SMG1: variants seen among roughly 807,000 people sequenced by gnomAD.
The protein encoded by SMG1 is SMG1 nonsense mediated mRNA decay associated PI3K related kinase, also known as serine/threonine-protein kinase SMG1.
In SMG1, 22 loss-of-function variants were observed where a neutral mutation model predicts 419.9. The observed-to-expected ratio is 0.05, with a 90% confidence interval of 0.04 to 0.07. The LOEUF is 0.07. Ranked by LOEUF, SMG1 falls within the 10% of genes least tolerant of loss-of-function variation. SMG1 has a pLI of 1.00. For missense variants in SMG1, 3,185 were observed against 4,342.0 expected (o/e 0.73, Z 7.49); for synonymous variants, 1,538 against 1,553.5 (o/e 0.99, Z 0.23).
chr16:18,827,620 A>T (rs1188835546), intron 55 of SMG1, among the ~76,000 whole-genome samples: 1 of 144,360 alleles, frequency 6.9e-6, no homozygotes, highest in African/African-American at 2.5e-5. Flanking sequence ...ATACCAAAAT[A>T]TATATTTTTA....
chr16:18,893,491 G>A (rs1027935625), intron 3 of SMG1, among the ~76,000 whole-genome samples: 7 of 152,178 alleles, frequency 4.6e-5, no homozygotes, highest in Admixed American at 3.9e-4. Context: ...TGGGCATAGT[G>A]GCACATGCCT....
At chr16:18,835,218 A>C in intron 48 of SMG1, 54 bp from the exon 49 acceptor site, 9 of 1,516,174 alleles carry the variant, frequency 5.9e-6, no homozygotes, top group Non-Finnish European at 8.0e-6. Context: ...CCCAACATAC[A>C]AAAGAATATT....
At chr16:18,851,379 T>C (rs1036093431) in intron 33 of SMG1, among the ~76,000 whole-genome samples, 2 of 151,848 alleles carry the variant, frequency 1.3e-5, no homozygotes, top group Admixed American at 1.3e-4. Flanking sequence ...TAGCATCACC[T>C]AGTAAGTTTA....
At chr16:18,838,295 T>C (rs190732110) in intron 44 of SMG1, 62 bp downstream of exon 44, 13 of 1,607,496 alleles carry the variant, frequency 8.1e-6, no homozygotes, top group Non-Finnish European at 1.1e-5. Flanking sequence ...AGTGTGGTTT[T>C]CATTCCACAG....
Position 18,854,771 on chromosome 16 carries a change from G to A in SMG1, c.4368C>T (p.Thr1456=), listed in dbSNP as rs191482492. 6.2e-7 allele frequency: 1 copy of A among 1,613,962 alleles called. No homozygotes were observed. The change falls in exon 30 of 63, where the codon ACC becomes ACT. Residue 1456 remains threonine, a synonymous_variant. Coordinates refer to ENST00000446231, the MANE Select transcript of SMG1 (RefSeq NM_015092.5). ...GTTGGACTAAATCCTGTGCAGTGGT[G>A]GTCTTTCCCAGCTGAACTTCACTGC... The part of the protein sequence containing the change: ...AQCSEVQLGK[T]TTAQDLVQHF...
chr16:18,864,564 T>C (rs1235077058), intron 23 of SMG1, among the ~76,000 whole-genome samples: 2 of 152,022 alleles, frequency 1.3e-5, no homozygotes, highest in Non-Finnish European at 2.9e-5. Context: ...GGCATGATCA[T>C]GGCTCGCTAC....
Position 18,859,141 on chromosome 16 carries a change from T to C in SMG1, c.3994A>G (p.Ile1332Val), listed in dbSNP as rs949474935. ...AAAGTAGAAAGTCTCAGAGGTCCAA[T>C]AGCGATGCGGGATGTTTGCTTCAAG... is the stretch of plus-strand genomic sequence containing the variant. The part of the protein sequence containing the change: ...KYLKQTSRIA[I>V]GPLRLSTLTV... The change falls in exon 28 of 63, where the codon ATT becomes GTT. Residue 1332 changes from isoleucine to valine, a missense_variant. Transcript: ENST00000446231. The C allele has an allele frequency of 4.7e-5, 72 of 1,534,816 alleles. No individual in the cohort carries two copies. Among genetic ancestry groups the C allele is most frequent in the Middle Eastern group, 2.3e-4 (1 of 4,358 alleles).
rs1240722396 is a variant in SMG1 at position 18,805,448 on chromosome 16, A to G, written c.*4121T>C. The stretch of plus-strand genomic sequence containing the variant: ...GCCAAGTTCCCATGGAAGGCAAACG[A>G]CCCTAAGTAGTTCATATTTTACAGC... On this transcript the variant is annotated 3_prime_UTR_variant, in exon 63 of 63. Transcript: ENST00000446231. The G allele has an allele frequency of 6.6e-6, 1 of 152,158 alleles. No individual in the cohort carries two copies. The highest frequency in any genetic ancestry group is 1.9e-4 in the East Asian group (1 of 5,200). 9.4% of individuals were successfully genotyped at this position (152,158 alleles called of 1,614,324 possible). A position where few individuals can be genotyped will look rare whatever the true frequency, so the allele number is the denominator to read the frequency against.
chr16:18,858,747 G>A (rs2035052897), intron 28 of SMG1: 8 of 292,212 alleles, frequency 2.7e-5, no homozygotes, highest in Admixed American at 1.4e-4. Context: ...TACGTAATCC[G>A]CCTAAAGGAA....
Position 18,829,338 on chromosome 16 carries a change from G to C in SMG1, c.9551C>G (p.Ser3184Cys). The change falls in exon 54 of 63, where the codon TCT (serine) becomes TGT (cysteine). Residue 3184 changes from serine to cysteine, a missense_variant. Physicochemically the swap from Ser to Cys is moderately radical, Grantham distance 112. This residue lies in a region of SMG1 where 737 missense variants were observed against 846.6 expected (regional missense o/e 0.87). Transcript: ENST00000446231. ...CCGCTGCAGGCTTGTCTTACAAGAA[G>C]AAATACTGGTTTCTAGCCTTCGCAC... The part of the protein sequence containing the change: ...DLVRRLETSI[S>C]SCKTSLQRVQ... 1 of 1,613,980 alleles carries C rather than the reference G, an allele frequency of 6.2e-7. No individual in the cohort carries two copies. Among genetic ancestry groups the C allele is most frequent in the Non-Finnish European group, 8.5e-7 (1 of 1,179,872 alleles).
intron 5 of SMG1, 119 bp downstream of exon 5, chr16:18,890,744 T>A: frequency 1.6e-6 from 1 of 643,770 alleles, no homozygotes; most frequent in Non-Finnish European, 2.8e-6. Flanking sequence ...CAAGACCCAC[T>A]GAAATGTCAA....
At chr16:18,894,010 T>A (rs2037002925) in intron 3 of SMG1, among the ~76,000 whole-genome samples, 1 of 151,646 alleles carries the variant, frequency 6.6e-6, no homozygotes. Flanking sequence ...TGAGCTGAGA[T>A]TGCGCCACTG....
intron 53 of SMG1, 56 bp from the exon 54 acceptor site, chr16:18,829,811 T>A: frequency 6.7e-7 from 1 of 1,495,934 alleles, no homozygotes; most frequent in Non-Finnish European, 9.0e-7. Flanking sequence ...AATATGCTGC[T>A]TATTTATAGT....
chr16:18,925,152 CA>C (rs2038342733), intron 1 of SMG1: 1 of 152,096 alleles, frequency 6.6e-6, no homozygotes, highest in South Asian at 2.1e-4. Flanking sequence ...TCCCATTGAT[CA>C]AAAAGACAGG....
chr16:18,921,592 T>G (rs1055997737), intron 1 of SMG1, among the ~76,000 whole-genome samples: 27 of 152,218 alleles, frequency 1.8e-4, no homozygotes, highest in African/African-American at 5.3e-4. Flanking sequence ...TTGCGGTTTT[T>G]GCCAAAACCG....
Position 18,811,936 on chromosome 16 carries a change from C to G in SMG1, c.10801+12G>C, listed in dbSNP as rs759422595. 6 of 1,612,986 alleles carry G rather than the reference C, an allele frequency of 3.7e-6. No homozygotes were observed. Among genetic ancestry groups the G allele is most frequent in the Non-Finnish European group, 5.1e-6 (6 of 1,179,550 alleles). On this transcript the variant is annotated intron_variant, in intron 61 of 62. Coordinates refer to ENST00000446231, the MANE Select transcript of SMG1 (RefSeq NM_015092.5). ...TATAAAAATTTAAGGCATCTTTATT[C>G]TAACTAATTACCTTTCCCAGTTTTA... is the stretch of plus-strand genomic sequence containing the variant.
intron 33 of SMG1, among the ~76,000 whole-genome samples, chr16:18,851,471 T>A (rs1012024711): frequency 1.3e-5 from 2 of 152,260 alleles, no homozygotes; most frequent in Non-Finnish European, 2.9e-5. Flanking sequence ...CTGGCATATT[T>A]TAAAAGCTCA....
At chr16:18,874,769 G>A (rs190246652) in intron 13 of SMG1, among the ~76,000 whole-genome samples, 160 of 146,426 alleles carry the variant, frequency 1.1e-3, no homozygotes, top group Non-Finnish European at 2.2e-4. Context: ...GGGAGGCTGA[G>A]GCAGGAGAAT....
At chr16:18,829,152 T>C (rs1274777007) in intron 54 of SMG1, 134 bp downstream of exon 54, 10 of 663,706 alleles carry the variant, frequency 1.5e-5, no homozygotes, top group Non-Finnish European at 2.3e-5. Flanking sequence ...CAAAATGCTA[T>C]GGTGTGTTTG....
Sources: allele counts gnomAD v4.1 joint callset (sites outside exome capture counted in the v4.1 genomes callset), GRCh38; gene constraint gnomAD v4.1.1; regional missense constraint gnomAD v4.1.1; transcripts MANE v1.5; gene names NCBI Gene and HGNC (gene_info 2026-07-23, HGNC 2026-07-21).